Variants in ACSF2 observed in about 807,000 individuals in gnomAD.
ACSF2 encodes the protein acyl-CoA synthetase family member 2, also known as medium-chain acyl-CoA ligase ACSF2, mitochondrial.
A neutral mutation model predicts 79.3 loss-of-function variants in ACSF2; 52 were observed. The observed-to-expected ratio is 0.66, with a 90% CI of 0.53 to 0.83. ACSF2 has a LOEUF of 0.83. Ranked by LOEUF, ACSF2 falls within the 40% of genes least tolerant of loss-of-function variation. The pLI, the probability that ACSF2 is intolerant of heterozygous loss-of-function variation, is 0.00. For missense variants in ACSF2, 661 were observed against 803.3 expected, an observed-to-expected ratio of 0.82 and a Z score of 2.14; for synonymous variants, 283 against 312.6, an observed-to-expected ratio of 0.91 and a Z score of 1.00.
chr17:50,442,970 C>T (rs146848967), intron 1 of ACSF2, among the ~76,000 whole-genome samples: 147 of 151,020 alleles, frequency 9.7e-4, no homozygotes, highest in African/African-American at 3.4e-3. Flanking sequence ...AGTGCAGTGG[C>T]GCAATCTCGG....
chr17:50,449,272 C>T (rs1409178517), intron 1 of ACSF2, among the ~76,000 whole-genome samples: 1 of 152,048 alleles, frequency 6.6e-6, no homozygotes, highest in East Asian at 1.9e-4. Flanking sequence ...CTCCCTCGGC[C>T]TCCCAAAGTG....
Position 50,461,625 on chromosome 17 carries a change from T to C in ACSF2, c.454-8T>C. ...AGAATACTGATATGCCCTCGCCGCT[T>C]CCACCAGGTGTCTGTGAACCCAGCC... On this transcript the variant is annotated splice_region_variant and splice_polypyrimidine_tract_variant and intron_variant, in intron 3 of 15. Transcript: ENST00000300441. 6.2e-7 allele frequency: 1 copy of C among 1,614,088 alleles called. No homozygotes were observed. Among genetic ancestry groups the C allele is most frequent in the South Asian group, 1.1e-5 (1 of 91,082 alleles).
chr17:50,464,471 A>C, intron 10 of ACSF2, 177 bp downstream of exon 10: 3 of 714,210 alleles, frequency 4.2e-6, no homozygotes, highest in South Asian at 1.5e-5. Flanking sequence ...TGGTGGGTGA[A>C]GGAGATAGGT....
chr17:50,451,444 G>GT (rs1179545410), intron 1 of ACSF2, among the ~76,000 whole-genome samples: 2 of 151,982 alleles, frequency 1.3e-5, no homozygotes, highest in Non-Finnish European at 2.9e-5. Flanking sequence ...TTGTTATTTT[G>GT]TTTTTTTATT....
intron 1 of ACSF2, among the ~76,000 whole-genome samples, chr17:50,441,693 A>G (rs2030930998): frequency 6.6e-6 from 1 of 152,238 alleles, no homozygotes; most frequent in African/African-American, 2.4e-5. Flanking sequence ...CAGATCAGGC[A>G]TGCAGAGTCT....
chr17:50,469,114 C>T (rs370131823), intron 10 of ACSF2: 757 of 1,097,176 alleles, frequency 6.9e-4, no homozygotes, highest in African/African-American at 1.0e-3. Context: ...TGTAGCCCCC[C>T]GCTCTCCTAT....
At position 50,474,144 on chromosome 17, in the gene ACSF2, T is replaced by C; in HGVS notation, c.1729-55T>C. The C allele has an allele frequency of 6.2e-7, 1 of 1,608,530 alleles. No homozygotes were observed. Among genetic ancestry groups the C allele is most frequent in the South Asian group, 1.1e-5 (1 of 90,960 alleles). ...AGGCCAGCCCCTGGTCCCCTACCCATACCCCTGTGAGCTTGCGCAGCCTCA... is the reference window on the plus strand; with the variant it reads ...AGGCCAGCCCCTGGTCCCCTACCCACACCCCTGTGAGCTTGCGCAGCCTCA... On this transcript the variant is annotated intron_variant, in intron 14 of 15. Coordinates refer to ENST00000300441, the MANE Select transcript of ACSF2 (RefSeq NM_025149.6). The surrounding 1 kb of genome is among the most constrained non-coding windows in gnomAD (Gnocchi z 4.2).
intron 10 of ACSF2, among the ~76,000 whole-genome samples, chr17:50,469,594 G>C (rs1339705050): frequency 2.0e-5 from 3 of 152,210 alleles, no homozygotes; most frequent in Non-Finnish European, 4.4e-5. Context: ...GGAAGTGGGG[G>C]AGAGTGGCCC....
chr17:50,428,939 G>A (rs1915275881), intron 1 of ACSF2, among the ~76,000 whole-genome samples: 2 of 152,268 alleles, frequency 1.3e-5, no homozygotes, highest in Admixed American at 6.5e-5. Context: ...CCTCGTAGGA[G>A]GAGAAATAAA....
Position 50,463,935 on chromosome 17 carries a change from G to T in ACSF2, c.1138+26G>T. The T allele has an allele frequency of 1.9e-6, 3 of 1,609,234 alleles. No individual in the cohort carries two copies. The highest frequency in any genetic ancestry group is 1.7e-5 in the Admixed American group (1 of 59,980). On this transcript the variant is annotated intron_variant, in intron 9 of 15. Transcript: ENST00000300441. The surrounding 1 kb of genome is among the most constrained non-coding windows in gnomAD (Gnocchi z 4.6). ...GTGGGGTGGGGCCAAGGGCAGCCAG[G>T]CTTGGGGAGGGGGCTGCTTCCCCCA...
intron 1 of ACSF2, among the ~76,000 whole-genome samples, chr17:50,431,665 T>TA (rs1477633066): frequency 6.6e-6 from 1 of 152,174 alleles, no homozygotes; most frequent in Non-Finnish European, 1.5e-5. Flanking sequence ...CAGATCATTT[T>TA]AAAATTTTTT....
At chr17:50,449,466 G>A (rs144446379) in intron 1 of ACSF2, among the ~76,000 whole-genome samples, 1,650 of 149,128 alleles carry the variant, frequency 0.011, 40 homozygotes, top group African/African-American at 0.038. Flanking sequence ...GTGCAGTGGC[G>A]CGATCTCGGC....
At chr17:50,431,313 G>A (rs2029903243) in intron 1 of ACSF2, among the ~76,000 whole-genome samples, 1 of 152,182 alleles carries the variant, frequency 6.6e-6, no homozygotes, top group Non-Finnish European at 1.5e-5. Flanking sequence ...CATTGACAGA[G>A]CTGTTTTTCT....
At chr17:50,464,049 G>GTGCA in intron 9 of ACSF2, 140 bp downstream of exon 9, 2 of 573,804 alleles carry the variant, frequency 3.5e-6, no homozygotes, top group Non-Finnish European at 3.1e-6. Flanking sequence ...GGGAGGGAGG[G>GTGCA]AGATCCCCAG....
At chr17:50,469,168 G>A (rs572741583) in intron 10 of ACSF2, 65 of 379,676 alleles carry the variant, frequency 1.7e-4, no homozygotes, top group African/African-American at 1.4e-3. Flanking sequence ...TTTCTGGGAA[G>A]GGGGAATAGT....
At chr17:50,449,172 A>G (rs1460945951) in intron 1 of ACSF2, among the ~76,000 whole-genome samples, 1 of 151,258 alleles carries the variant, frequency 6.6e-6, no homozygotes, top group Non-Finnish European at 1.5e-5. Flanking sequence ...GCCCACCACA[A>G]TGCCCAGCTA....
Position 50,463,609 on chromosome 17 carries a change from C to T in ACSF2, c.1046+57C>T. On this transcript the variant is annotated intron_variant, in intron 8 of 15. Coordinates refer to ENST00000300441, the MANE Select transcript of ACSF2 (RefSeq NM_025149.6). This position sits in a 1 kb window ranked among gnomAD's most constrained non-coding sequence, Gnocchi z 4.6. ...TGATAAAACCCTCTTCTTCCTCACT[C>T]CTGGGCCCTGACACCTTTCCAAGCT... 1 of 1,589,190 alleles carries T rather than the reference C, an allele frequency of 6.3e-7. No homozygotes were observed. The highest frequency in any genetic ancestry group is 8.6e-7 in the Non-Finnish European group (1 of 1,166,178).
At chr17:50,455,781 C>T (rs2031954361) in intron 1 of ACSF2, among the ~76,000 whole-genome samples, 1 of 152,200 alleles carries the variant, frequency 6.6e-6, no homozygotes, top group East Asian at 1.9e-4. Context: ...TGCATTGAGA[C>T]CTCGGGTCCT....
chr17:50,427,653 T>TAG (rs1187038676), intron 1 of ACSF2, among the ~76,000 whole-genome samples: 1 of 152,120 alleles, frequency 6.6e-6, no homozygotes, highest in African/African-American at 2.4e-5. Flanking sequence ...TGTACATATT[T>TAG]TATCACACTA....
Sources: allele counts gnomAD v4.1 joint callset (sites outside exome capture counted in the v4.1 genomes callset), GRCh38; gene constraint gnomAD v4.1.1; non-coding constraint Gnocchi (gnomAD v3.1); transcripts MANE v1.5; gene names NCBI Gene and HGNC (gene_info 2026-07-23, HGNC 2026-07-21).